The following RNF217 variants were observed in gnomAD, a reference collection of about 807,000 sequenced individuals.
The protein encoded by RNF217 is ring finger protein 217.
RNF217 carries 31 observed loss-of-function variants against 57.8 expected under a neutral mutation model. The observed-to-expected ratio is 0.54, with a 90% CI of 0.40 to 0.72. The LOEUF (loss-of-function observed/expected upper bound fraction) is 0.72. Among genes scored for constraint, RNF217 ranks in the 30% least tolerant of loss-of-function variants. The pLI is 0.00. For synonymous variants in RNF217, 313 were observed against 294.0 expected (o/e 1.06, Z -0.66); for missense variants, 696 against 708.3 (o/e 0.98, Z 0.20).
At chr6:125,058,755 G>A (rs1365813531) in intron 3 of RNF217, among the ~76,000 whole-genome samples, 1 of 152,132 alleles carries the variant, frequency 6.6e-6, no homozygotes, top group Non-Finnish European at 1.5e-5. Flanking sequence ...CCTACGGGAG[G>A]TCAGCCAGTA....
At chr6:124,968,074 G>A (rs551329911) in intron 1 of RNF217, among the ~76,000 whole-genome samples, 1 of 152,280 alleles carries the variant, frequency 6.6e-6, no homozygotes, top group South Asian at 2.1e-4. Context: ...GAGCCACCGT[G>A]CCTGGCCCCA....
intron 4 of RNF217, among the ~76,000 whole-genome samples, chr6:125,079,218 A>T (rs573615410): frequency 6.6e-6 from 1 of 152,278 alleles, no homozygotes; most frequent in South Asian, 2.1e-4. Flanking sequence ...ACATAGGGGC[A>T]TCTCCCCCAG....
intron 2 of RNF217, among the ~76,000 whole-genome samples, chr6:125,053,383 A>T (rs771804107): frequency 6.6e-6 from 1 of 152,162 alleles, no homozygotes; most frequent in Non-Finnish European, 1.5e-5. Context: ...GAATTGATAC[A>T]TGTGCTTCAT....
In RNF217 at chr6:125,090,907, C is replaced by A. The variant is rs1004757431; in HGVS notation, c.*7970C>A. The A allele has an allele frequency of 4.6e-5, 7 of 151,840 alleles. No homozygotes were observed. Among genetic ancestry groups the A allele is most frequent in the Non-Finnish European group, 7.4e-5 (5 of 67,868 alleles). 9.4% of individuals were successfully genotyped at this position (151,840 alleles called of 1,614,324 possible). Reference sequence around the variant, plus strand: ...AATCACAAAACTATGTGGAAGAAATCATTCTGATTATATTTTATGAAAGAG... The same window carrying A: ...AATCACAAAACTATGTGGAAGAAATAATTCTGATTATATTTTATGAAAGAG... On this transcript the variant is annotated 3_prime_UTR_variant, in exon 6 of 6. Coordinates refer to ENST00000521654, the MANE Select transcript of RNF217 (RefSeq NM_001286398.3).
intron 1 of RNF217, among the ~76,000 whole-genome samples, chr6:125,001,521 A>C (rs142171698): frequency 1.2e-3 from 183 of 152,342 alleles, no homozygotes; most frequent in African/African-American, 4.0e-3. Context: ...AAAATGTGAC[A>C]ATTGAAATAA....
chr6:125,043,259 C>G (rs1786956358), intron 1 of RNF217, among the ~76,000 whole-genome samples: 1 of 151,994 alleles, frequency 6.6e-6, no homozygotes, highest in Non-Finnish European at 1.5e-5. Flanking sequence ...GCTGTGTTCT[C>G]TTTCCTCCAG....
intron 1 of RNF217, among the ~76,000 whole-genome samples, chr6:124,981,504 C>A (rs1784159967): frequency 6.6e-6 from 1 of 152,102 alleles, no homozygotes; most frequent in Non-Finnish European, 1.5e-5. Context: ...AGATAAGAGA[C>A]AAAAGATTAC....
intron 1 of RNF217, among the ~76,000 whole-genome samples, chr6:125,015,612 G>A (rs537559607): frequency 2.2e-4 from 34 of 151,818 alleles, no homozygotes; most frequent in African/African-American, 6.5e-4. Flanking sequence ...TTTTACTTAC[G>A]TTTTAATATA....
chr6:124,999,741 A>C (rs1355728408), intron 1 of RNF217, among the ~76,000 whole-genome samples: 1 of 152,178 alleles, frequency 6.6e-6, no homozygotes, highest in African/African-American at 2.4e-5. Context: ...ACAACCTTTA[A>C]AGGAAAAAAT....
intron 2 of RNF217, among the ~76,000 whole-genome samples, chr6:125,055,748 T>A (rs113181621): frequency 0.011 from 1,637 of 152,196 alleles, 22 homozygotes; most frequent in African/African-American, 0.033. Context: ...GAAAAGCAAT[T>A]TTTTTCCTTC....
intron 2 of RNF217, among the ~76,000 whole-genome samples, chr6:125,056,336 ATTATT>A (rs1183066864): frequency 4.6e-5 from 7 of 152,180 alleles, no homozygotes; most frequent in African/African-American, 1.7e-4. Context: ...ACCTTCCAGC[ATTATT>A]TTGAGGATGA....
rs910366142 is a variant in RNF217 at position 124,989,726 on chromosome 6, G to A, written c.882+26300G>A. Among the ~76,000 whole-genome samples, 15 of 150,928 alleles carry A rather than the reference G, an allele frequency of 9.9e-5. No homozygotes were observed. In the South Asian group the frequency reaches 1.7e-3, roughly 17 times the overall value. On this transcript the variant is annotated intron_variant, in intron 1 of 5. Coordinates refer to ENST00000521654, the MANE Select transcript of RNF217 (RefSeq NM_001286398.3). The stretch of plus-strand genomic sequence containing the variant: ...GAAAGGTAGAAATCATTCACAGGTC[G>A]TAGGCTGTACCAAACAGGCAGCAGG...
At chr6:125,032,976 A>G (rs1376472903) in intron 1 of RNF217, among the ~76,000 whole-genome samples, 1 of 152,218 alleles carries the variant, frequency 6.6e-6, no homozygotes, top group Non-Finnish European at 1.5e-5. Flanking sequence ...TCCAAATTAC[A>G]CGTGAGTGTG....
intron 2 of RNF217, among the ~76,000 whole-genome samples, chr6:125,048,885 G>A (rs1582751248): frequency 6.6e-6 from 1 of 152,044 alleles, no homozygotes; most frequent in Middle Eastern, 3.4e-3. Flanking sequence ...ATTATGTTCT[G>A]AACATCGTCA....
At chr6:125,000,751 A>G (rs934099996) in intron 1 of RNF217, among the ~76,000 whole-genome samples, 1 of 152,078 alleles carries the variant, frequency 6.6e-6, no homozygotes, top group Non-Finnish European at 1.5e-5. Context: ...TCCTATTTCA[A>G]CTAAGTTCAT....
intron 1 of RNF217, chr6:125,009,369 C>A: frequency 2.3e-6 from 2 of 856,578 alleles, no homozygotes; most frequent in Non-Finnish European, 3.9e-6. Flanking sequence ...GAAGCCCTCT[C>A]ACAGACATAG....
intron 1 of RNF217, among the ~76,000 whole-genome samples, chr6:125,038,999 CCT>C (rs1177066226): frequency 3.3e-5 from 5 of 152,040 alleles, no homozygotes; most frequent in Non-Finnish European, 7.4e-5. Flanking sequence ...CACCCCATCC[CCT>C]GACAAGCCAC....
intron 1 of RNF217, among the ~76,000 whole-genome samples, chr6:125,041,526 C>T (rs1332883048): frequency 6.6e-6 from 1 of 152,076 alleles, no homozygotes; most frequent in East Asian, 1.9e-4. Flanking sequence ...TCTCTCCCTC[C>T]TTTAGTATAT....
intron 1 of RNF217, among the ~76,000 whole-genome samples, chr6:124,989,755 G>C (rs1488452541): frequency 3.3e-5 from 5 of 151,806 alleles, no homozygotes; most frequent in Admixed American, 6.6e-5. Flanking sequence ...CAGCAGGTTA[G>C]ATGTGGCCCA....
Sources: allele counts gnomAD v4.1 joint callset (sites outside exome capture counted in the v4.1 genomes callset), GRCh38; gene constraint gnomAD v4.1.1; transcripts MANE v1.5; gene names NCBI Gene and HGNC (gene_info 2026-07-23, HGNC 2026-07-21).